GPC6: variants seen among roughly 807,000 people sequenced by gnomAD.
GPC6 encodes the protein glypican-6.
In GPC6, 14 loss-of-function variants were observed where a neutral mutation model predicts 55.2. The observed-to-expected ratio is 0.25, with a 90% CI of 0.17 to 0.40. The LOEUF is 0.40. Among genes scored for constraint, GPC6 ranks in the 10% least tolerant of loss-of-function variants. The pLI, the probability that GPC6 is intolerant of heterozygous loss-of-function variation, is 1.00. For synonymous variants in GPC6, 278 were observed against 259.6 expected (o/e 1.07, Z -0.68); for missense variants, 641 against 708.5 (o/e 0.90, Z 1.08).
chr13:94,036,248 T>C (rs1409734764), intron 4 of GPC6, among the ~76,000 whole-genome samples: 3 of 152,084 alleles, frequency 2.0e-5, no homozygotes, highest in African/African-American at 7.2e-5. Flanking sequence ...TAAATTAAAA[T>C]AGAGCATGAA....
intron 1 of GPC6, among the ~76,000 whole-genome samples, chr13:93,285,227 G>A (rs1274949849): frequency 2.0e-5 from 3 of 152,058 alleles, no homozygotes; most frequent in Non-Finnish European, 2.9e-5. Context: ...TATACAGAGA[G>A]GAAAGTACAA....
intron 4 of GPC6, among the ~76,000 whole-genome samples, chr13:94,236,116 G>A (rs543277137): frequency 1.2e-4 from 19 of 152,216 alleles, no homozygotes; most frequent in African/African-American, 4.6e-4. Flanking sequence ...ACTGCTATCT[G>A]CAGTAATAAG....
At chr13:94,398,100 C>G (rs1880970551) in intron 7 of GPC6, among the ~76,000 whole-genome samples, 1 of 152,120 alleles carries the variant, frequency 6.6e-6, no homozygotes, top group Non-Finnish European at 1.5e-5. Flanking sequence ...ATCTATTAAA[C>G]CTCTTTTTCT....
chr13:93,340,909 G>A (rs189380505), intron 1 of GPC6, among the ~76,000 whole-genome samples: 4 of 152,052 alleles, frequency 2.6e-5, no homozygotes, highest in South Asian at 2.1e-4. Context: ...TACTGTACCC[G>A]ATATATACTC....
chr13:94,173,254 TG>T (rs1184104199), intron 4 of GPC6, among the ~76,000 whole-genome samples: 2 of 152,062 alleles, frequency 1.3e-5, no homozygotes, highest in African/African-American at 4.8e-5. Flanking sequence ...CACAAGAAAT[TG>T]CTATGTTTGA....
chr13:94,241,982 A>G (rs915672404), intron 4 of GPC6, among the ~76,000 whole-genome samples: 3 of 151,708 alleles, frequency 2.0e-5, no homozygotes, highest in Non-Finnish European at 4.4e-5. Context: ...GGTTTGTTAC[A>G]TATGTATACA....
At chr13:94,157,035 C>T (rs1042576728) in intron 4 of GPC6, among the ~76,000 whole-genome samples, 7 of 152,074 alleles carry the variant, frequency 4.6e-5, no homozygotes, top group African/African-American at 9.7e-5. Flanking sequence ...ATGGGGCAGA[C>T]GTGGATATAA....
chr13:93,883,106 T>C (rs1009908256), intron 3 of GPC6, among the ~76,000 whole-genome samples: 1 of 150,940 alleles, frequency 6.6e-6, no homozygotes, highest in African/African-American at 2.4e-5. Context: ...TCCTCTTCTG[T>C]CTTTCTGGTC....
At chr13:93,755,479 T>C (rs1202246021) in intron 2 of GPC6, among the ~76,000 whole-genome samples, 1 of 152,208 alleles carries the variant, frequency 6.6e-6, no homozygotes, top group Non-Finnish European at 1.5e-5. Flanking sequence ...CCTATTGTCA[T>C]TTGAAATTCT....
intron 2 of GPC6, among the ~76,000 whole-genome samples, chr13:93,568,132 A>G (rs1876226993): frequency 1.3e-5 from 2 of 152,216 alleles, no homozygotes; most frequent in African/African-American, 4.8e-5. Context: ...TTCAAGATGC[A>G]TCTTCTAAAC....
chr13:94,192,718 C>A (rs1034030720), intron 4 of GPC6, among the ~76,000 whole-genome samples: 1 of 152,154 alleles, frequency 6.6e-6, no homozygotes, highest in Non-Finnish European at 1.5e-5. Flanking sequence ...TGGGAAAGGG[C>A]AACTGAGAGA....
Position 94,286,469 on chromosome 13 carries a change from T to C in GPC6, c.998T>C (p.Val333Ala), listed in dbSNP as rs1322264858. The C allele has an allele frequency of 1.2e-6, 2 of 1,613,454 alleles. No homozygotes were observed. Among genetic ancestry groups the C allele is most frequent in the Non-Finnish European group, 1.7e-6 (2 of 1,179,594 alleles). Residue 333 changes from valine (V) to alanine (A), a missense_variant, in exon 5 of 9, where the codon GTG becomes GCG. By Grantham distance (64) the Val-to-Ala change is moderately conservative (BLOSUM62 0). Transcript: ENST00000377047. The part of the protein sequence containing the change: ...IMNMQENSMQ[V>A]SAKVFQGCGQ... ...AACATGCAAGAAAACAGCATGCAGG[T>C]GTCTGCAAAGGTATTTGCATTAGTA...
At chr13:94,097,232 G>A (rs1594733502) in intron 4 of GPC6, among the ~76,000 whole-genome samples, 1 of 152,222 alleles carries the variant, frequency 6.6e-6, no homozygotes, top group South Asian at 2.1e-4. Flanking sequence ...GCAGGGCGCG[G>A]TGGCTCAGGC....
At chr13:93,535,879 T>A (rs1236955740) in intron 1 of GPC6, among the ~76,000 whole-genome samples, 1 of 152,104 alleles carries the variant, frequency 6.6e-6, no homozygotes, top group Non-Finnish European at 1.5e-5. Context: ...CAGACTGAAT[T>A]CAGCCACACA....
At chr13:94,163,122 A>G (rs1312150450) in intron 4 of GPC6, among the ~76,000 whole-genome samples, 1 of 152,222 alleles carries the variant, frequency 6.6e-6, no homozygotes, top group East Asian at 1.9e-4. Context: ...AAGCTACTGT[A>G]TATAAAATAT....
At chr13:93,886,578 A>G (rs1301638279) in intron 3 of GPC6, among the ~76,000 whole-genome samples, 4 of 152,050 alleles carry the variant, frequency 2.6e-5, no homozygotes, top group Non-Finnish European at 5.9e-5. Flanking sequence ...GTTCTGAATG[A>G]TGGCTAGCAA....
At chr13:93,960,698 C>T (rs769657761) in intron 3 of GPC6, among the ~76,000 whole-genome samples, 16 of 152,046 alleles carry the variant, frequency 1.1e-4, no homozygotes, top group Non-Finnish European at 1.9e-4. Flanking sequence ...TGGTTTTCTT[C>T]AGTAGCCTTA....
chr13:93,574,891 T>C (rs1412964001), intron 2 of GPC6, among the ~76,000 whole-genome samples: 1 of 152,256 alleles, frequency 6.6e-6, no homozygotes, highest in African/African-American at 2.4e-5. Context: ...ATCAGACTTT[T>C]ATTTTGTTAA....
intron 4 of GPC6, among the ~76,000 whole-genome samples, chr13:94,106,944 A>G (rs1886075289): frequency 6.6e-6 from 1 of 152,164 alleles, no homozygotes; most frequent in Non-Finnish European, 1.5e-5. Context: ...ATCACATTTA[A>G]AGTGGTTCCT....
Sources: allele counts gnomAD v4.1 joint callset (sites outside exome capture counted in the v4.1 genomes callset), GRCh38; gene constraint gnomAD v4.1.1; transcripts MANE v1.5; gene names NCBI Gene and HGNC (gene_info 2026-07-23, HGNC 2026-07-21).